MYCBP2: variants seen among roughly 807,000 people sequenced by gnomAD.
MYCBP2 encodes the protein MYC binding protein 2.
Under a neutral mutation model 525.3 loss-of-function variants are expected in MYCBP2, and 120 were observed. The observed-to-expected ratio is 0.23, with a 90% CI of 0.20 to 0.27. The LOEUF is 0.27. MYCBP2 is among the 10% of genes least tolerant of loss of function. MYCBP2 has a pLI of 1.00. For synonymous variants in MYCBP2, 1,894 were observed against 1,955.8 expected (o/e 0.97, Z 0.83); for missense variants, 4,149 against 5,657.1 (o/e 0.73, Z 8.55).
intron 1 of MYCBP2, among the ~76,000 whole-genome samples, chr13:77,315,244 C>T (rs995951411): frequency 4.6e-5 from 7 of 152,214 alleles, no homozygotes; most frequent in African/African-American, 1.7e-4. Context: ...CTTACGCAAA[C>T]ATTTTAAAAA....
intron 23 of MYCBP2, among the ~76,000 whole-genome samples, chr13:77,207,409 CA>C (rs1029364187): frequency 6.6e-6 from 1 of 152,062 alleles, no homozygotes; most frequent in Non-Finnish European, 1.5e-5. Context: ...ACAAAAACTT[CA>C]AAAAACTATC....
At chr13:77,091,488 G>A (rs1459143647) in intron 59 of MYCBP2, among the ~76,000 whole-genome samples, 1 of 151,066 alleles carries the variant, frequency 6.6e-6, no homozygotes, top group Non-Finnish European at 1.5e-5. Flanking sequence ...ATCCAAAGAA[G>A]AAAGCAAAGA....
chr13:77,195,606 C>T (rs887286592), intron 26 of MYCBP2, among the ~76,000 whole-genome samples: 3 of 152,106 alleles, frequency 2.0e-5, no homozygotes, highest in African/African-American at 4.8e-5. Context: ...AAAAATAGTC[C>T]GAAATAATCA....
At position 77,168,632 on chromosome 13, in the gene MYCBP2, G is replaced by C; in HGVS notation, c.5910C>G (p.Val1970=). The C allele has an allele frequency of 6.2e-7, 1 of 1,614,102 alleles. No homozygotes were observed. The highest frequency in any genetic ancestry group is 8.5e-7 in the Non-Finnish European group (1 of 1,180,016). Residue 1970 remains valine, a synonymous_variant, in exon 40 of 83, where the codon GTC becomes GTG. Coordinates refer to ENST00000544440, the MANE Select transcript of MYCBP2 (RefSeq NM_015057.5). ...GAAGCAATTGTTGGACAAGGCCAAA[G>C]ACTTCTACAGCCACCTAGTACACAT... ...AAAIPKVAVE[V]FGLVQQLLPS...
chr13:77,055,719 C>T lies in MYCBP2; in HGVS notation c.13486G>A (p.Glu4496Lys), dbSNP rs368739801. The T allele has an allele frequency of 6.2e-7, 1 of 1,613,848 alleles. No homozygotes were observed. Among genetic ancestry groups the T allele is most frequent in the Non-Finnish European group, 8.5e-7 (1 of 1,179,910 alleles). ...TTTCTTCTGACATCCTCATAGAGTT[C>T]TTTTATTGGATCAAGTAGGTCTTTT... The part of the protein sequence containing the change: ...VLKDLLDPIK[E>K]LYEDVRRKAL... Residue 4496 changes from glutamate to lysine, a missense_variant, in exon 80 of 83, where the codon GAA (glutamate) becomes AAA (lysine). By Grantham distance (56) the Glu-to-Lys change is moderately conservative. This residue lies in a region of MYCBP2 where 220 missense variants were observed against 396.0 expected (regional missense o/e 0.56). Coordinates refer to ENST00000544440, the MANE Select transcript of MYCBP2 (RefSeq NM_015057.5).
At chr13:77,146,361 A>T (rs536467049) in intron 47 of MYCBP2, 144 bp from the exon 48 acceptor site, 3 of 412,492 alleles carry the variant, frequency 7.3e-6, no homozygotes, top group East Asian at 7.3e-5. Flanking sequence ...CCTACTTTAG[A>T]CCATTTATTA....
At chr13:77,142,023 A>G (rs572976685) in intron 49 of MYCBP2, among the ~76,000 whole-genome samples, 1 of 152,262 alleles carries the variant, frequency 6.6e-6, no homozygotes, top group Non-Finnish European at 1.5e-5. Flanking sequence ...AAAAACAAAT[A>G]TAAGTGGATT....
intron 17 of MYCBP2, among the ~76,000 whole-genome samples, chr13:77,238,154 A>C (rs1017081439): frequency 6.9e-6 from 1 of 144,186 alleles, no homozygotes; most frequent in Admixed American, 7.2e-5. Context: ...GAGGCAGAAG[A>C]GTGGTGTGAA....
chr13:77,281,098 TA>T (rs2076141121), intron 3 of MYCBP2, among the ~76,000 whole-genome samples: 1 of 152,212 alleles, frequency 6.6e-6, no homozygotes, highest in Admixed American at 6.5e-5. Context: ...ACTTTGAAAG[TA>T]GACTTTAAAA....
At chr13:77,234,035 C>T (rs1295197483) in intron 17 of MYCBP2, among the ~76,000 whole-genome samples, 8 of 151,792 alleles carry the variant, frequency 5.3e-5, no homozygotes, top group Admixed American at 3.9e-4. Context: ...CATACCCACA[C>T]AGATTATAGC....
In MYCBP2 at chr13:77,214,656, G is replaced by A. The variant is rs1018298344; in HGVS notation, c.3058-2496C>T. Among the ~76,000 whole-genome samples the A allele has an allele frequency of 2.0e-5, 3 of 152,166 alleles. No individual in the cohort carries two copies. The East Asian group carries it at 5.8e-4, about 29-fold the overall frequency. On this transcript the variant is annotated intron_variant, in intron 21 of 82. Transcript: ENST00000544440. Reference sequence around the variant, plus strand: ...AATATGTGTCATTAGGTGATTCTGTGATGCTGCGAACATCAGAGTGGACTT... The same window carrying A: ...AATATGTGTCATTAGGTGATTCTGTAATGCTGCGAACATCAGAGTGGACTT...
rs1450212182 is a variant in MYCBP2, at chr13:77,126,590, T to C, written c.7660-48A>G. The C allele has an allele frequency of 2.1e-6, 3 of 1,457,106 alleles. No homozygotes were observed. In the African/African-American group the frequency reaches 4.2e-5, roughly 20 times the overall value. The allele number at this position is 1,457,106 out of a possible 1,614,324, so 90.3% of individuals were successfully genotyped here. A position where few individuals can be genotyped will look rare whatever the true frequency, so the allele number is the denominator to read the frequency against. ...AAAATAAACAAAATACAATCTATTA[T>C]CACTTTCAAAGCCTTCCTATTAATA... On this transcript the variant is annotated intron_variant, in intron 52 of 82. Transcript: ENST00000544440.
chr13:77,295,184 G>C (rs2078039662), intron 2 of MYCBP2, among the ~76,000 whole-genome samples: 1 of 152,060 alleles, frequency 6.6e-6, no homozygotes, highest in South Asian at 2.1e-4. Flanking sequence ...CGCCAGGCTG[G>C]AGTGCAGTGG....
At chr13:77,270,858 G>T (rs1052725883) in intron 5 of MYCBP2, among the ~76,000 whole-genome samples, 1 of 151,326 alleles carries the variant, frequency 6.6e-6, no homozygotes, top group African/African-American at 2.4e-5. Flanking sequence ...TGTCATTCTC[G>T]ATCCATGTTT....
chr13:77,165,533 G>C, intron 41 of MYCBP2, 142 bp from the exon 42 acceptor site: 1 of 601,128 alleles, frequency 1.7e-6, no homozygotes, highest in South Asian at 2.3e-5. Context: ...ATAGACTTGC[G>C]GCGGGGAGCG....
chr13:77,281,207 T>C (rs1567144133), intron 3 of MYCBP2, among the ~76,000 whole-genome samples: 1 of 152,148 alleles, frequency 6.6e-6, no homozygotes, highest in Non-Finnish European at 1.5e-5. Context: ...CCTGCCAATA[T>C]AGTATTATTT....
At chr13:77,265,172 ACAAGGCCCACTGGTAGCC>A in intron 8 of MYCBP2, among the ~76,000 whole-genome samples, 1 of 152,204 alleles carries the variant, frequency 6.6e-6, no homozygotes, top group East Asian at 1.9e-4. Context: ...AAACTGGGAG[ACAAGGCCCACTGGTAGCC>A]CAAGAGACTT....
intron 18 of MYCBP2, among the ~76,000 whole-genome samples, chr13:77,230,975 G>A (rs1411222450): frequency 6.6e-6 from 1 of 152,194 alleles, no homozygotes; most frequent in Non-Finnish European, 1.5e-5. Flanking sequence ...GCAGTGAATG[G>A]AGAGATAATT....
chr13:77,318,590 G>A (rs1200214431), intron 1 of MYCBP2, among the ~76,000 whole-genome samples: 1 of 151,990 alleles, frequency 6.6e-6, no homozygotes, highest in Non-Finnish European at 1.5e-5. Flanking sequence ...CCCACCTCTA[G>A]TAAAAATACA....
Sources: allele counts gnomAD v4.1 joint callset (sites outside exome capture counted in the v4.1 genomes callset), GRCh38; gene constraint gnomAD v4.1.1; regional missense constraint gnomAD v4.1.1; transcripts MANE v1.5; gene names NCBI Gene and HGNC (gene_info 2026-07-23, HGNC 2026-07-21).